The following XPO6 variants were observed in gnomAD, a reference collection of about 807,000 sequenced individuals.
The protein encoded by XPO6 is exportin 6.
A neutral mutation model predicts 130.0 loss-of-function variants in XPO6; 3 were observed. That is an observed-to-expected ratio of 0.02 (90% confidence interval 0.01 to 0.06). The LOEUF is 0.06. Ranked by LOEUF, XPO6 falls within the 10% of genes least tolerant of loss-of-function variation. The probability of loss-of-function intolerance (pLI) is 1.00; values close to 1 mark genes in which losing one functional copy is unlikely to be tolerated. For missense variants in XPO6, 970 were observed against 1,393.0 expected, an observed-to-expected ratio of 0.70 and a Z score of 4.83; for synonymous variants, 524 against 548.9, an observed-to-expected ratio of 0.95 and a Z score of 0.63.
intron 8 of XPO6, among the ~76,000 whole-genome samples, chr16:28,149,396 C>T (rs2043045496): frequency 6.6e-6 from 1 of 152,188 alleles, no homozygotes. Context: ...ATACTAGCAC[C>T]ATCTTCTGTC....
intron 2 of XPO6, among the ~76,000 whole-genome samples, chr16:28,180,074 C>G (rs950456145): frequency 6.6e-6 from 1 of 152,038 alleles, no homozygotes; most frequent in Admixed American, 6.5e-5. Context: ...GTCAGAATAT[C>G]GAAGACTAAT....
chr16:28,195,682 G>C (rs957013005), intron 1 of XPO6, among the ~76,000 whole-genome samples: 1 of 152,194 alleles, frequency 6.6e-6, no homozygotes, highest in Non-Finnish European at 1.5e-5. Context: ...GAATCCAGGA[G>C]GCGGAGGTTG....
intron 3 of XPO6, 86 bp downstream of exon 3, chr16:28,177,134 C>T: frequency 2.4e-6 from 2 of 822,032 alleles, no homozygotes; most frequent in African/African-American, 1.8e-5. Context: ...TCTCCCAGCA[C>T]ATTACAGCTC....
At chr16:28,147,660 C>G (rs934654477) in intron 8 of XPO6, among the ~76,000 whole-genome samples, 1 of 152,044 alleles carries the variant, frequency 6.6e-6, no homozygotes, top group African/African-American at 2.4e-5. Context: ...GGAAATGATA[C>G]GGCAGCCAGA....
In XPO6 at chr16:28,098,596, T is replaced by C. The variant is rs766328345; in HGVS notation, c.3320A>G (p.Asp1107Gly). 1 of 1,612,774 alleles carries C rather than the reference T, an allele frequency of 6.2e-7. No homozygotes were observed. The highest frequency in any genetic ancestry group is 8.5e-7 in the Non-Finnish European group (1 of 1,179,236). Residue 1107 changes from aspartate to glycine, a missense_variant, in exon 24 of 24, where the codon GAC (aspartate) becomes GGC (glycine). This residue lies in a region of XPO6 where 936 missense variants were observed against 1,306.8 expected (regional missense o/e 0.72). Transcript: ENST00000304658. ...GTTGCAGAGTCTGTAGTAGCGCAGG[T>C]CGTTGACCAGCCTGTGCACATTCTG... ...FTQNVHRLVN[D>G]LRYYRLCNDS...
chr16:28,104,232 G>A (rs2086721012), intron 21 of XPO6, among the ~76,000 whole-genome samples: 1 of 152,158 alleles, frequency 6.6e-6, no homozygotes, highest in African/African-American at 2.4e-5. Flanking sequence ...GGTGACTCTG[G>A]CATAGGCAGG....
chr16:28,205,096 G>A (rs2044006803), intron 1 of XPO6, among the ~76,000 whole-genome samples: 1 of 152,066 alleles, frequency 6.6e-6, no homozygotes, highest in Non-Finnish European at 1.5e-5. Context: ...TGAGGAATTA[G>A]AGACCAAGTA....
intron 6 of XPO6, among the ~76,000 whole-genome samples, chr16:28,160,361 G>A (rs982470787): frequency 5.3e-5 from 8 of 151,260 alleles, no homozygotes; most frequent in African/African-American, 1.5e-4. Context: ...AAACTTAGCC[G>A]GGCATGGCAG....
chr16:28,200,874 C>T (rs952612360), intron 1 of XPO6, among the ~76,000 whole-genome samples: 8 of 152,104 alleles, frequency 5.3e-5, no homozygotes, highest in African/African-American at 1.7e-4. Flanking sequence ...AAATACCCTA[C>T]GCGGTATGCA....
chr16:28,185,257 GGCT>G (rs2043675843), intron 1 of XPO6, among the ~76,000 whole-genome samples: 2 of 152,122 alleles, frequency 1.3e-5, no homozygotes, highest in South Asian at 4.2e-4. Flanking sequence ...CTACTTGGGG[GGCT>G]GAGGCAAGAG....
chr16:28,133,394 A>G (rs1041690713), intron 11 of XPO6, among the ~76,000 whole-genome samples: 5 of 152,198 alleles, frequency 3.3e-5, no homozygotes, highest in African/African-American at 1.2e-4. Flanking sequence ...GATGAATTTA[A>G]TGAAATCTCT....
At chr16:28,113,436 C>T (rs1027146907) in intron 15 of XPO6, among the ~76,000 whole-genome samples, 5 of 152,192 alleles carry the variant, frequency 3.3e-5, no homozygotes, top group African/African-American at 9.7e-5. Context: ...CCCGAGCCCC[C>T]GACTCTTCTG....
At chr16:28,155,264 T>C (rs2043165113) in intron 7 of XPO6, among the ~76,000 whole-genome samples, 1 of 152,218 alleles carries the variant, frequency 6.6e-6, no homozygotes, top group Non-Finnish European at 1.5e-5. Context: ...AAATATTTAC[T>C]AATTCGATAC....
At chr16:28,123,561 TACAA>T (rs1196564177) in intron 13 of XPO6, among the ~76,000 whole-genome samples, 1 of 152,140 alleles carries the variant, frequency 6.6e-6, no homozygotes, top group East Asian at 1.9e-4. Flanking sequence ...TTGTTACAAA[TACAA>T]ACTTGTATTT....
At chr16:28,161,481 T>C (rs1311869434) in intron 6 of XPO6, among the ~76,000 whole-genome samples, 3 of 152,064 alleles carry the variant, frequency 2.0e-5, no homozygotes, top group African/African-American at 7.2e-5. Flanking sequence ...ATCAAGTTGA[T>C]TTATGAGGAG....
rs79658746 is a variant in XPO6, at chr16:28,133,884, G to A, written c.1493C>T (p.Ala498Val). ...CGTGGGCAGGAGCTCCATCACTTTG[G>A]CCACCACCTCCAAGCTCTGCCGTAA... ...RYLRQSLEVV[A>V]KVMELLPTHA... The change falls in exon 11 of 24, where the codon GCC (alanine) becomes GTC (valine). Residue 498 changes from alanine to valine, a missense_variant. By Grantham distance (64) the Ala-to-Val change is moderately conservative. Around this residue, in one of 4 missense-constraint regions of XPO6, gnomAD observed 936 missense variants for 1,306.8 expected, o/e 0.72. Transcript: ENST00000304658. 4.3e-6 allele frequency: 7 copies of A among 1,613,994 alleles called. No individual in the cohort carries two copies. Among genetic ancestry groups the A allele is most frequent in the Admixed American group, 1.7e-5 (1 of 60,000 alleles).
At chr16:28,124,519 C>T (rs1489637438) in intron 13 of XPO6, among the ~76,000 whole-genome samples, 1 of 152,152 alleles carries the variant, frequency 6.6e-6, no homozygotes, top group Non-Finnish European at 1.5e-5. Flanking sequence ...GCAATACAAA[C>T]GCTACGGTTT....
rs994436989 is a variant in XPO6 at position 28,125,999 on chromosome 16, A to G, written c.1607-151T>C. The G allele has an allele frequency of 2.8e-5, 26 of 916,428 alleles. No individual in the cohort carries two copies. The South Asian group carries it at 3.3e-4, about 12-fold the overall frequency. The allele number at this position is 916,428 out of a possible 1,614,324, so 56.8% of individuals were successfully genotyped here. On this transcript the variant is annotated intron_variant, in intron 12 of 23. Coordinates refer to ENST00000304658, the MANE Select transcript of XPO6 (RefSeq NM_015171.4). The stretch of plus-strand genomic sequence containing the variant: ...ACCCACGGGCTGCTTCCCAGTACTG[A>G]GCAGGGAAACTGGGCCCGGTATCCA...
chr16:28,125,908 T>C (rs2087390952), intron 12 of XPO6, 60 bp from the exon 13 acceptor site: 2 of 1,562,418 alleles, frequency 1.3e-6, no homozygotes, highest in Non-Finnish European at 1.7e-6. Flanking sequence ...ATACTACAGA[T>C]AACAGCTGGT....
Sources: allele counts gnomAD v4.1 joint callset (sites outside exome capture counted in the v4.1 genomes callset), GRCh38; gene constraint gnomAD v4.1.1; regional missense constraint gnomAD v4.1.1; transcripts MANE v1.5; gene names NCBI Gene and HGNC (gene_info 2026-07-23, HGNC 2026-07-21).